IQCH: variants seen among roughly 807,000 people sequenced by gnomAD.
The protein encoded by IQCH is IQ motif containing H, also known as IQ domain-containing protein H.
A neutral mutation model predicts 117.0 loss-of-function variants in IQCH; 98 were observed. The observed-to-expected ratio is 0.84, with a 90% CI of 0.71 to 0.99. The LOEUF (loss-of-function observed/expected upper bound fraction) is 0.99. Ranked by LOEUF, IQCH falls within the 50% of genes least tolerant of loss-of-function variation. IQCH has a pLI of 0.00. For missense variants in IQCH, 1,102 were observed against 1,243.8 expected (o/e 0.89, Z 1.72); for synonymous variants, 412 against 448.2 (o/e 0.92, Z 1.02).
At chr15:67,259,801 C>T (rs1179517869) in intron 1 of IQCH, among the ~76,000 whole-genome samples, 1 of 152,202 alleles carries the variant, frequency 6.6e-6, no homozygotes, top group African/African-American at 2.4e-5. Context: ...CAGCTTGCAG[C>T]AGTAATTTGG....
At chr15:67,497,601 C>T (rs530039756) in intron 20 of IQCH, among the ~76,000 whole-genome samples, 108 of 152,118 alleles carry the variant, frequency 7.1e-4, no homozygotes, top group African/African-American at 2.5e-3. Context: ...TCAAGCAATT[C>T]GGCTGCCTCA....
chr15:67,288,302 T>C (rs1334018961), intron 4 of IQCH, among the ~76,000 whole-genome samples: 1 of 152,086 alleles, frequency 6.6e-6, no homozygotes, highest in Non-Finnish European at 1.5e-5. Context: ...CCTTTGCTGA[T>C]TTTTCTGTCT....
rs1205108674 is a variant in IQCH, at chr15:67,388,772, G to A, written c.1457-59G>A. 7.2e-7 allele frequency: 1 copy of A among 1,387,184 alleles called. No homozygotes were observed. The highest frequency in any genetic ancestry group is 1.4e-5 in the African/African-American group (1 of 70,070). 85.9% of individuals were successfully genotyped at this position (1,387,184 alleles called of 1,614,324 possible). ...ACTGCACAACACCAATCGGATGCCA[G>A]AGTTCATAATGTCATTTACCTTCAC... On this transcript the variant is annotated intron_variant, in intron 11 of 20. Coordinates refer to ENST00000335894, the MANE Select transcript of IQCH (RefSeq NM_001031715.3). This position sits in a 1 kb window ranked among gnomAD's most constrained non-coding sequence, Gnocchi z 5.5.
At chr15:67,335,981 A>G (rs1228990429) in intron 4 of IQCH, among the ~76,000 whole-genome samples, 1 of 152,008 alleles carries the variant, frequency 6.6e-6, no homozygotes, top group East Asian at 1.9e-4. Flanking sequence ...CTTTTTCCTT[A>G]AAGTCACTAT....
In IQCH at chr15:67,386,528, A is replaced by G; in HGVS notation, c.1456+1509A>G. Among the ~76,000 whole-genome samples the G allele has an allele frequency of 6.6e-6, 1 of 152,296 alleles. No homozygotes were observed. The highest frequency in any genetic ancestry group is 2.1e-4 in the South Asian group (1 of 4,822). On this transcript the variant is annotated intron_variant, in intron 11 of 20. Coordinates refer to ENST00000335894, the MANE Select transcript of IQCH (RefSeq NM_001031715.3). The surrounding 1 kb of genome is among the most constrained non-coding windows in gnomAD (Gnocchi z 5.0). ...ATGAAGAAAAAGTACTTTTTTGTGA[A>G]ATAAAAATGTGAAGAAAATAGAAAA...
chr15:67,327,196 T>C (rs1342626537), intron 4 of IQCH, among the ~76,000 whole-genome samples: 1 of 152,196 alleles, frequency 6.6e-6, no homozygotes, highest in African/African-American at 2.4e-5. Context: ...GTACAAGTCA[T>C]AAGGAAATTC....
chr15:67,278,028 T>C (rs1009251204), intron 3 of IQCH, among the ~76,000 whole-genome samples: 2 of 152,196 alleles, frequency 1.3e-5, no homozygotes, highest in Non-Finnish European at 2.9e-5. Context: ...GTCAGTCTTT[T>C]GGTGGGTCTT....
At chr15:67,462,701 A>G (rs1049786568) in intron 16 of IQCH, among the ~76,000 whole-genome samples, 3 of 152,210 alleles carry the variant, frequency 2.0e-5, no homozygotes, top group African/African-American at 7.2e-5. Context: ...CAAAGCATTA[A>G]TATTATTAAC....
intron 3 of IQCH, among the ~76,000 whole-genome samples, chr15:67,274,376 CTG>C (rs959282065): frequency 2.0e-5 from 3 of 152,134 alleles, no homozygotes; most frequent in Admixed American, 2.0e-4. Flanking sequence ...TCTTCTCTGA[CTG>C]TGTGTTCTCA....
rs193135584 is a variant in IQCH, at chr15:67,471,432, C to T, written c.2677-4264C>T. Among the ~76,000 whole-genome samples, 762 of 152,096 alleles carry T rather than the reference C, an allele frequency of 5.0e-3. 4 individuals are homozygous for T. The highest frequency in any genetic ancestry group is 6.5e-3 in the Non-Finnish European group (439 of 67,982). On this transcript the variant is annotated intron_variant, in intron 17 of 20. Transcript: ENST00000335894. ...GCTTTATACTTTAACTATACATGAGCTTATTTGATCCCCATGATAACCCCA... is the reference window on the plus strand; with the variant it reads ...GCTTTATACTTTAACTATACATGAGTTTATTTGATCCCCATGATAACCCCA...
At chr15:67,334,449 T>C (rs1596202472) in intron 4 of IQCH, among the ~76,000 whole-genome samples, 2 of 152,218 alleles carry the variant, frequency 1.3e-5, no homozygotes, top group African/African-American at 4.8e-5. Context: ...GCATGAAATA[T>C]GCTGTTTTGC....
rs1267620757 is a variant in IQCH, at chr15:67,421,301, C to T, written c.2229C>T (p.Ile743=). 1.5e-5 allele frequency: 24 copies of T among 1,613,422 alleles called. No homozygotes were observed. The highest frequency in any genetic ancestry group is 3.3e-5 in the South Asian group (3 of 90,998). The stretch of plus-strand genomic sequence containing the variant: ...TGTTTTTCCCACCAGGGGGTGTGAT[C>T]GAAGCATTCCCACCTGCAGACAATG... ...LQTFLSQGGV[I]EAFPPADNVT... The change falls in exon 16 of 21, where the codon ATC becomes ATT. Residue 743 remains isoleucine (I), a synonymous_variant. Transcript: ENST00000335894.
rs777264267 is a variant in IQCH, at chr15:67,365,501, C to A, written c.753+5616C>A. Among the ~76,000 whole-genome samples, 13 of 152,068 alleles carry A rather than the reference C, an allele frequency of 8.5e-5. No individual in the cohort carries two copies. The highest frequency in any genetic ancestry group is 1.8e-4 in the Non-Finnish European group (12 of 68,016). ...GTGTACTAGATAGGCACTGGGGACA[C>A]AACAATGAATGAAGCAAACCTAGTC... On this transcript the variant is annotated intron_variant, in intron 8 of 20. Transcript: ENST00000335894. The surrounding 1 kb of genome is among the most constrained non-coding windows in gnomAD (Gnocchi z 4.4).
At chr15:67,371,516 A>C (rs1970531638) in intron 8 of IQCH, 1 of 1,587,332 alleles carries the variant, frequency 6.3e-7, no homozygotes, top group Admixed American at 1.7e-5. Context: ...TGTCAAGAGA[A>C]ACCTAAGAAT....
chr15:67,341,720 A>G (rs1200217265), intron 5 of IQCH, among the ~76,000 whole-genome samples: 1 of 151,978 alleles, frequency 6.6e-6, no homozygotes, highest in Non-Finnish European at 1.5e-5. Flanking sequence ...TTATTAGCTT[A>G]TTAATTAAGT....
chr15:67,312,675 C>G (rs113724651), intron 4 of IQCH, among the ~76,000 whole-genome samples: 3 of 152,130 alleles, frequency 2.0e-5, no homozygotes, highest in Non-Finnish European at 4.4e-5. Context: ...GAAAATAGAG[C>G]AGCTACGAAA....
At chr15:67,314,094 T>C (rs1967730487) in intron 4 of IQCH, among the ~76,000 whole-genome samples, 1 of 152,116 alleles carries the variant, frequency 6.6e-6, no homozygotes, top group Non-Finnish European at 1.5e-5. Flanking sequence ...CAGTCGCTCT[T>C]ACTTTCTGTC....
At chr15:67,347,846 T>G (rs1271604754) in intron 6 of IQCH, among the ~76,000 whole-genome samples, 1 of 147,140 alleles carries the variant, frequency 6.8e-6, no homozygotes, top group African/African-American at 2.5e-5. Context: ...TATAGATATT[T>G]TTATATATTT....
intron 4 of IQCH, among the ~76,000 whole-genome samples, chr15:67,303,016 ACC>A (rs1967127065): frequency 6.6e-6 from 1 of 152,176 alleles, no homozygotes; most frequent in Non-Finnish European, 1.5e-5. Flanking sequence ...TTAGGCACAG[ACC>A]CTTTATAAAT....
Sources: allele counts gnomAD v4.1 joint callset (sites outside exome capture counted in the v4.1 genomes callset), GRCh38; gene constraint gnomAD v4.1.1; non-coding constraint Gnocchi (gnomAD v3.1); transcripts MANE v1.5; gene names NCBI Gene and HGNC (gene_info 2026-07-23, HGNC 2026-07-21).